LARGE1: variants seen among roughly 807,000 people sequenced by gnomAD.
LARGE1 encodes xylosyl- and glucuronyltransferase LARGE1.
In LARGE1, 43 loss-of-function variants were observed where a neutral mutation model predicts 87.6. The observed-to-expected ratio is 0.49, with a 90% CI of 0.38 to 0.63. The LOEUF (loss-of-function observed/expected upper bound fraction) is 0.63, where lower values mean the gene tolerates loss of function less well. Ranked by LOEUF, LARGE1 falls within the 30% of genes least tolerant of loss-of-function variation. LARGE1 has a pLI of 0.00. For synonymous variants in LARGE1, 434 were observed against 394.6 expected, an observed-to-expected ratio of 1.10 and a Z score of -1.18; for missense variants, 802 against 1,000.2, an observed-to-expected ratio of 0.80 and a Z score of 2.67.
chr22:33,104,695 T>C, the LARGE1 span, among the ~76,000 whole-genome samples: 48 of 152,366 alleles, frequency 3.2e-4, no homozygotes, highest in Admixed American at 1.2e-3. Flanking sequence ...CTGAATATGT[T>C]ATGCATTTTC....
intron 10 of LARGE1, among the ~76,000 whole-genome samples, chr22:33,329,922 A>G (rs1462649860): frequency 1.3e-5 from 2 of 152,140 alleles, no homozygotes; most frequent in African/African-American, 4.8e-5. Context: ...ACTGAATGGA[A>G]ACTTTCTATG....
At chr22:33,336,077 T>C (rs1044712811) in intron 10 of LARGE1, among the ~76,000 whole-genome samples, 5 of 152,216 alleles carry the variant, frequency 3.3e-5, no homozygotes, top group African/African-American at 9.6e-5. Flanking sequence ...CTGTGTCTAA[T>C]ACTAAGGGTC....
At chr22:33,827,024 C>A (rs559346612) in intron 1 of LARGE1, among the ~76,000 whole-genome samples, 3 of 152,040 alleles carry the variant, frequency 2.0e-5, no homozygotes, top group African/African-American at 4.8e-5. Context: ...TGCAGCCTAT[C>A]AAACAAAAGC....
chr22:33,561,365 G>C (rs2077854159), intron 6 of LARGE1, among the ~76,000 whole-genome samples: 1 of 152,224 alleles, frequency 6.6e-6, no homozygotes, highest in East Asian at 1.9e-4. Flanking sequence ...TTGGTAGTCA[G>C]ACAGGTGTAA....
chr22:33,696,227 T>C (rs2082242408), intron 2 of LARGE1, among the ~76,000 whole-genome samples: 3 of 150,614 alleles, frequency 2.0e-5, no homozygotes, highest in African/African-American at 4.9e-5. Context: ...TAGATATCTA[T>C]TCAGTATTTT....
intron 1 of LARGE1, among the ~76,000 whole-genome samples, chr22:33,876,077 C>G (rs1232746938): frequency 6.6e-6 from 1 of 152,170 alleles, no homozygotes; most frequent in Non-Finnish European, 1.5e-5. Context: ...AGAATGCAGG[C>G]TTTGGAGCAT....
chr22:33,178,796 C>T (rs965795497), intron 11 of LARGE1, among the ~76,000 whole-genome samples: 1 of 152,170 alleles, frequency 6.6e-6, no homozygotes, highest in Non-Finnish European at 1.5e-5. Context: ...GAACACTCAA[C>T]TATAAACTGT....
intron 2 of LARGE1, among the ~76,000 whole-genome samples, chr22:33,746,669 G>A (rs1471117670): frequency 6.6e-6 from 1 of 152,206 alleles, no homozygotes; most frequent in East Asian, 1.9e-4. Flanking sequence ...CATAATAAAT[G>A]ATTAACAGAA....
At chr22:33,697,199 A>T (rs2082277478) in intron 2 of LARGE1, among the ~76,000 whole-genome samples, 2 of 152,118 alleles carry the variant, frequency 1.3e-5, no homozygotes, top group African/African-American at 4.8e-5. Flanking sequence ...AGCTGTCGTT[A>T]GAGCTCTGAG....
chr22:33,773,844 AAT>A (rs1224721342), intron 1 of LARGE1, among the ~76,000 whole-genome samples: 1 of 152,148 alleles, frequency 6.6e-6, no homozygotes, highest in Non-Finnish European at 1.5e-5. Context: ...ATCAAACAAC[AAT>A]ATGAGATGCT....
intron 6 of LARGE1, among the ~76,000 whole-genome samples, chr22:33,517,369 G>A (rs1336810772): frequency 6.6e-6 from 1 of 152,172 alleles, no homozygotes; most frequent in African/African-American, 2.4e-5. Context: ...ACTCGGTGGA[G>A]TAGAGCTACA....
intron 5 of LARGE1, among the ~76,000 whole-genome samples, chr22:33,596,925 G>A (rs1464121202): frequency 6.6e-6 from 1 of 152,166 alleles, no homozygotes; most frequent in African/African-American, 2.4e-5. Flanking sequence ...ATTGCTCTGG[G>A]TATTAACACA....
chr22:33,096,866 A>C, the LARGE1 span, among the ~76,000 whole-genome samples: 197 of 152,258 alleles, frequency 1.3e-3, 1 homozygote, highest in Non-Finnish European at 2.3e-3. Context: ...CGCCCGGCGG[A>C]TCTGGAGCAT....
At chr22:33,885,648 AGCAGC>A (rs2064822181) in intron 1 of LARGE1, among the ~76,000 whole-genome samples, 1 of 152,202 alleles carries the variant, frequency 6.6e-6, no homozygotes, top group African/African-American at 2.4e-5. Context: ...TGCAGGCATA[AGCAGC>A]TCAGCTACCC....
chr22:33,852,619 G>T (rs1182021815), intron 1 of LARGE1, among the ~76,000 whole-genome samples: 5 of 151,912 alleles, frequency 3.3e-5, no homozygotes, highest in Non-Finnish European at 1.5e-5. Context: ...GGCCAAGGCG[G>T]GCAGATTGCC....
At chr22:33,903,336 T>C (rs2065339821) in intron 1 of LARGE1, among the ~76,000 whole-genome samples, 1 of 152,284 alleles carries the variant, frequency 6.6e-6, no homozygotes, top group East Asian at 1.9e-4. Flanking sequence ...TTCCAGCCTC[T>C]AGGACAGTGA....
chr22:33,641,227 C>T (rs1389757655), intron 3 of LARGE1, among the ~76,000 whole-genome samples: 1 of 152,180 alleles, frequency 6.6e-6, no homozygotes, highest in African/African-American at 2.4e-5. Context: ...TGTTCTGAAG[C>T]CTCCGCTGGT....
At chr22:33,366,738 CT>C (rs2064607863) in intron 9 of LARGE1, among the ~76,000 whole-genome samples, 1 of 152,168 alleles carries the variant, frequency 6.6e-6, no homozygotes, top group South Asian at 2.1e-4. Flanking sequence ...AATTACACCT[CT>C]TTCCTTTATA....
chr22:33,320,992 A>C (rs771186981), intron 10 of LARGE1: 1 of 152,248 alleles, frequency 6.6e-6, no homozygotes, highest in Admixed American at 6.5e-5. Flanking sequence ...GATGCAGCAC[A>C]GTGGCTAAGG....
Sources: allele counts gnomAD v4.1 joint callset (sites outside exome capture counted in the v4.1 genomes callset), GRCh38; gene constraint gnomAD v4.1.1; transcripts MANE v1.5; gene names NCBI Gene and HGNC (gene_info 2026-07-23, HGNC 2026-07-21).